The following CDH4 variants were observed in gnomAD, a reference collection of about 807,000 sequenced individuals.
CDH4 encodes the protein cadherin-4.
In CDH4, 33 loss-of-function variants were observed where a neutral mutation model predicts 86.0. The observed-to-expected ratio is 0.38, with a 90% CI of 0.29 to 0.51. CDH4 has a LOEUF of 0.51. Among genes scored for constraint, CDH4 ranks in the 20% least tolerant of loss-of-function variants. CDH4 has a pLI of 0.86. For missense variants in CDH4, 1,114 were observed against 1,307.4 expected (o/e 0.85, Z 2.28); for synonymous variants, 555 against 549.4 (o/e 1.01, Z -0.14).
In CDH4 at chr20:61,928,287, C is replaced by T. The variant is rs753159244; in HGVS notation, c.1869C>T (p.Cys623=). 28 of 1,610,192 alleles carry T rather than the reference C, an allele frequency of 1.7e-5. No individual in the cohort carries two copies. Among genetic ancestry groups the T allele is most frequent in the East Asian group, 2.2e-5 (1 of 44,896 alleles). Residue 623 remains cysteine, a synonymous_variant, in exon 12 of 16, where the codon TGC becomes TGT. Coordinates refer to ENST00000614565, the MANE Select transcript of CDH4 (RefSeq NM_001794.5). The part of the protein sequence containing the change: ...PELLPKEAQI[C]EKPNLNAINI... Reference sequence around the variant, plus strand: ...TGCTGCCCAAGGAGGCGCAGATCTGCGAGAAGCCCAACCTGAACGCCATCA... The same window carrying T: ...TGCTGCCCAAGGAGGCGCAGATCTGTGAGAAGCCCAACCTGAACGCCATCA...
In CDH4 at chr20:61,852,234, G is replaced by A. The variant is rs550996759; in HGVS notation, c.733-520G>A. On this transcript the variant is annotated intron_variant, in intron 5 of 15. Transcript: ENST00000614565. ...TGTCCAGGCTGGACTCTCAGTGGAC[G>A]CCCAAATGGGCCCAATTCCCAGCCC... Among the ~76,000 whole-genome samples, 18 of 152,226 alleles carry A rather than the reference G, an allele frequency of 1.2e-4. No individual in the cohort carries two copies. The South Asian group carries it at 2.3e-3, about 19-fold the overall frequency.
chr20:61,885,384 G>GT (rs1984496790), intron 7 of CDH4, among the ~76,000 whole-genome samples: 1 of 152,154 alleles, frequency 6.6e-6, no homozygotes, highest in Admixed American at 6.5e-5. Flanking sequence ...GACATTTCCT[G>GT]TAAGTGGGCT....
chr20:61,380,523 A>ACT (rs141105277), intron 2 of CDH4, among the ~76,000 whole-genome samples: 5 of 148,848 alleles, frequency 3.4e-5, no homozygotes, highest in Admixed American at 3.3e-4. Flanking sequence ...CCATCCTACA[A>ACT]ACCCCCCTGC....
intron 2 of CDH4, among the ~76,000 whole-genome samples, chr20:61,657,934 G>A (rs542560702): frequency 1.3e-5 from 2 of 152,122 alleles, no homozygotes; most frequent in African/African-American, 2.4e-5. Context: ...GCTCGTCACC[G>A]GTGGGAGCCA....
intron 2 of CDH4, among the ~76,000 whole-genome samples, chr20:61,585,979 A>ATGG (rs2086468378): frequency 1.4e-5 from 2 of 141,194 alleles, no homozygotes; most frequent in Admixed American, 1.4e-4. Context: ...TGATGATGTG[A>ATGG]TGATGATGGT....
In CDH4 at chr20:61,895,119, C is replaced by G. The variant is rs1288446461; in HGVS notation, c.1188+72C>G. 3 of 1,536,900 alleles carry G rather than the reference C, an allele frequency of 2.0e-6. No individual in the cohort carries two copies. In the African/African-American group the frequency reaches 4.1e-5, roughly 21 times the overall value. On this transcript the variant is annotated intron_variant, in intron 8 of 15. Coordinates refer to ENST00000614565, the MANE Select transcript of CDH4 (RefSeq NM_001794.5). ...GGAATGCACTGGCGTGCGGCACAGC[C>G]TCCTCTCTCTCTGCGGCTCTGCCTG...
chr20:61,490,708 A>C (rs928752704), intron 2 of CDH4, among the ~76,000 whole-genome samples: 7 of 152,036 alleles, frequency 4.6e-5, no homozygotes, highest in Non-Finnish European at 7.4e-5. Context: ...CAAAAAAAAA[A>C]AGTTACAGTG....
At chr20:61,683,077 G>T (rs1310724264) in intron 2 of CDH4, among the ~76,000 whole-genome samples, 1 of 152,040 alleles carries the variant, frequency 6.6e-6, no homozygotes, top group African/African-American at 2.4e-5. Flanking sequence ...CACCATGCCG[G>T]GGCCTGGCAA....
At chr20:61,452,062 G>A (rs2085383939) in intron 2 of CDH4, among the ~76,000 whole-genome samples, 1 of 152,188 alleles carries the variant, frequency 6.6e-6, no homozygotes, top group South Asian at 2.1e-4. Flanking sequence ...GAGCATTCGC[G>A]CTTTTCCTTT....
At chr20:61,264,335 T>C (rs2084144304) in intron 2 of CDH4, among the ~76,000 whole-genome samples, 1 of 152,134 alleles carries the variant, frequency 6.6e-6, no homozygotes, top group African/African-American at 2.4e-5. Context: ...CATATCTCAG[T>C]GGCTCCTTCA....
At chr20:61,546,840 G>A (rs13042142) in intron 2 of CDH4, among the ~76,000 whole-genome samples, 4 of 151,944 alleles carry the variant, frequency 2.6e-5, no homozygotes, top group African/African-American at 4.8e-5. Context: ...GCGGTGCCAC[G>A]GGATAATCCT....
chr20:61,550,026 T>C (rs534094344), intron 2 of CDH4, among the ~76,000 whole-genome samples: 1 of 151,332 alleles, frequency 6.6e-6, no homozygotes, highest in Non-Finnish European at 1.5e-5. Flanking sequence ...GGCCTCCTTG[T>C]CCTGGCCTCC....
At chr20:61,590,621 A>G (rs2086511492) in intron 2 of CDH4, among the ~76,000 whole-genome samples, 1 of 152,088 alleles carries the variant, frequency 6.6e-6, no homozygotes, top group African/African-American at 2.4e-5. Flanking sequence ...AGGGCCTGGA[A>G]CCTTCCCTCT....
Position 61,936,830 on chromosome 20 carries a change from G to T in CDH4, c.2638G>T (p.Val880Phe). Residue 880 changes from valine to phenylalanine, a missense_variant, in exon 16 of 16, where the codon GTC (valine) becomes TTC (phenylalanine). By Grantham distance (50) the Val-to-Phe change is conservative. Coordinates refer to ENST00000614565, the MANE Select transcript of CDH4 (RefSeq NM_001794.5). ...YEGSGSTAGS[V>F]SSLNSSSSGD... is the part of the protein sequence containing the mutation. ...GGGGAGCGGCTCCACCGCAGGCTCC[G>T]TCAGCTCCCTGAACTCATCCAGTTC... 6.2e-7 allele frequency: 1 copy of T among 1,610,508 alleles called. No individual in the cohort carries two copies.
At chr20:61,886,898 G>A (rs746093018) in intron 7 of CDH4, among the ~76,000 whole-genome samples, 20 of 152,196 alleles carry the variant, frequency 1.3e-4, no homozygotes, top group Non-Finnish European at 1.9e-4. Context: ...TGTGGTTAAC[G>A]TGGGGCTCCC....
chr20:61,511,685 G>A (rs1477709428), intron 2 of CDH4, among the ~76,000 whole-genome samples: 1 of 152,224 alleles, frequency 6.6e-6, no homozygotes, highest in African/African-American at 2.4e-5. Context: ...AGACGAGAGA[G>A]AAGATGTTCA....
At chr20:61,475,460 TC>T (rs1250106047) in intron 2 of CDH4, among the ~76,000 whole-genome samples, 24 of 24,572 alleles carry the variant, frequency 9.8e-4, no homozygotes, top group Non-Finnish European at 2.5e-3. Flanking sequence ...CCTCCCCCCC[TC>T]TCTCTCCCTC....
At chr20:61,649,634 C>G (rs537004634) in intron 2 of CDH4, among the ~76,000 whole-genome samples, 1 of 152,144 alleles carries the variant, frequency 6.6e-6, no homozygotes, top group African/African-American at 2.4e-5. Flanking sequence ...TGACTCCTGC[C>G]GGGAGCGCGC....
At chr20:61,856,792 G>A (rs1232296203) in intron 6 of CDH4, among the ~76,000 whole-genome samples, 1 of 152,216 alleles carries the variant, frequency 6.6e-6, no homozygotes, top group African/African-American at 2.4e-5. Flanking sequence ...GAGGCACAGA[G>A]TGAGATGTCT....
Sources: gnomAD v4.1 joint callset for allele counts (sites outside exome capture counted in the v4.1 genomes callset) on GRCh38, gnomAD v4.1.1 for gene constraint, MANE v1.5 for transcripts, NCBI Gene and HGNC (gene_info 2026-07-23, HGNC 2026-07-21) for gene names.